Variants in DENND1A observed in about 807,000 individuals in gnomAD.
DENND1A encodes the protein DENN domain-containing protein 1A.
In DENND1A, 51 loss-of-function variants were observed where a neutral mutation model predicts 113.7. The observed-to-expected ratio is 0.45, with a 90% CI of 0.36 to 0.57. DENND1A has a LOEUF of 0.57. Ranked by LOEUF, DENND1A falls within the 20% of genes least tolerant of loss-of-function variation. The pLI is 0.00. For missense variants in DENND1A, 1,258 were observed against 1,395.9 expected, an observed-to-expected ratio of 0.90 and a Z score of 1.57; for synonymous variants, 565 against 570.8, an observed-to-expected ratio of 0.99 and a Z score of 0.14.
At chr9:123,787,316 A>G (rs1456859776) in intron 3 of DENND1A, among the ~76,000 whole-genome samples, 1 of 152,190 alleles carries the variant, frequency 6.6e-6, no homozygotes, top group Non-Finnish European at 1.5e-5. Context: ...ATGAAATAGT[A>G]TTCTTTCAAT....
chr9:123,772,023 G>A (rs565343479), intron 3 of DENND1A, among the ~76,000 whole-genome samples: 1 of 152,112 alleles, frequency 6.6e-6, no homozygotes, highest in Non-Finnish European at 1.5e-5. Context: ...ACAAAAATGA[G>A]CATCTACTCT....
intron 2 of DENND1A, among the ~76,000 whole-genome samples, chr9:123,866,733 C>T (rs1296782274): frequency 1.3e-5 from 2 of 152,148 alleles, no homozygotes; most frequent in African/African-American, 4.8e-5. Flanking sequence ...TACATATTAT[C>T]TCTAATTTAC....
In DENND1A at chr9:123,863,143, T is replaced by C. The variant is rs573009507; in HGVS notation, c.88+15808A>G. Among the ~76,000 whole-genome samples the C allele has an allele frequency of 3.3e-5, 5 of 152,348 alleles. No homozygotes were observed. In the South Asian group the frequency reaches 1.0e-3, roughly 32 times the overall value. On this transcript the variant is annotated intron_variant, in intron 2 of 23. Transcript: ENST00000394215. ...AGAACTTTGACAACTACAGAAAATA[T>C]TTCCATGCATAACCAAGGCACCGTG... is the stretch of plus-strand genomic sequence containing the variant.
intron 1 of DENND1A, among the ~76,000 whole-genome samples, chr9:123,918,521 G>T (rs1208913172): frequency 6.6e-6 from 1 of 151,186 alleles, no homozygotes; most frequent in Non-Finnish European, 1.5e-5. Flanking sequence ...ATTCCCACTG[G>T]ACAAAGATAG....
intron 3 of DENND1A, 88 bp from the exon 4 acceptor site, chr9:123,769,651 C>A: frequency 8.7e-7 from 1 of 1,150,296 alleles, no homozygotes; most frequent in South Asian, 1.7e-5. Context: ...CAACTTTACC[C>A]TAAAGAAAGA....
intron 4 of DENND1A, among the ~76,000 whole-genome samples, chr9:123,758,879 C>T (rs1030243919): frequency 1.8e-4 from 27 of 152,176 alleles, no homozygotes; most frequent in Non-Finnish European, 1.5e-5. Flanking sequence ...CAGCTCACTG[C>T]AACCTCCACC....
chr9:123,690,106 G>A lies in DENND1A; in HGVS notation c.303-13317C>T, dbSNP rs1434613557. ...GAAAGGAGGGAGGGAGGGAGGGAGG[G>A]AGGAAGAAAAAGGAGGGAGGGGGGA... On this transcript the variant is annotated intron_variant, in intron 5 of 23. Coordinates refer to ENST00000394215, the MANE Select transcript of DENND1A (RefSeq NM_001352964.2). 2.9e-3 allele frequency among the ~76,000 whole-genome samples: 223 copies of A among 75,862 alleles called. 1 individual carries two copies. Among genetic ancestry groups the A allele is most frequent in the Non-Finnish European group, 3.8e-3 (152 of 40,232 alleles). 49.8% of individuals were successfully genotyped at this position (75,862 alleles called of 152,430 possible).
At chr9:123,711,513 G>GTGTATATATATACATATATA (rs1369120234) in intron 5 of DENND1A, among the ~76,000 whole-genome samples, 2 of 121,008 alleles carry the variant, frequency 1.7e-5, no homozygotes, top group African/African-American at 6.5e-5. Context: ...ATGTATATAT[G>GTGTATATATATACATATATA]TATATATATA....
chr9:123,924,410 T>C (rs1856750091), intron 1 of DENND1A, among the ~76,000 whole-genome samples: 2 of 152,300 alleles, frequency 1.3e-5, no homozygotes, highest in South Asian at 2.1e-4. Context: ...GGCTCATGCC[T>C]GTAATCCCAG....
chr9:123,714,341 C>T (rs1179002433), intron 5 of DENND1A, among the ~76,000 whole-genome samples: 1 of 152,192 alleles, frequency 6.6e-6, no homozygotes, highest in Non-Finnish European at 1.5e-5. Context: ...ATGGCTCACA[C>T]CTGTAATCCC....
intron 5 of DENND1A, among the ~76,000 whole-genome samples, chr9:123,750,595 C>A (rs1472709960): frequency 1.3e-5 from 2 of 152,164 alleles, no homozygotes; most frequent in Non-Finnish European, 2.9e-5. Flanking sequence ...TGCCAACTGA[C>A]CATCCAGAGA....
intron 2 of DENND1A, among the ~76,000 whole-genome samples, chr9:123,805,152 G>A (rs1424087564): frequency 6.6e-6 from 1 of 152,000 alleles, no homozygotes; most frequent in Non-Finnish European, 1.5e-5. Context: ...TCCCAATGTG[G>A]CCTTCCCTAA....
At chr9:123,482,309 G>A (rs752558588) in intron 13 of DENND1A, among the ~76,000 whole-genome samples, 1 of 152,212 alleles carries the variant, frequency 6.6e-6, no homozygotes, top group East Asian at 1.9e-4. Context: ...TGTTGGCCAG[G>A]CTGGTCTTGA....
At chr9:123,517,959 T>C (rs1349039147) in intron 13 of DENND1A, among the ~76,000 whole-genome samples, 1 of 152,218 alleles carries the variant, frequency 6.6e-6, no homozygotes, top group Non-Finnish European at 1.5e-5. Context: ...ATTTTCTGCA[T>C]TAAAAATGTT....
At chr9:123,837,829 T>C (rs1841264280) in intron 2 of DENND1A, among the ~76,000 whole-genome samples, 1 of 152,010 alleles carries the variant, frequency 6.6e-6, no homozygotes, top group African/African-American at 2.4e-5. Context: ...GCATAAAACA[T>C]ATAAACCAAT....
chr9:123,698,474 G>A (rs1208765465), intron 5 of DENND1A, among the ~76,000 whole-genome samples: 1 of 152,186 alleles, frequency 6.6e-6, no homozygotes, highest in Non-Finnish European at 1.5e-5. Flanking sequence ...CCTCTTTAGG[G>A]CATCTTACTT....
intron 8 of DENND1A, among the ~76,000 whole-genome samples, chr9:123,658,113 G>C (rs898927045): frequency 3.9e-5 from 6 of 151,906 alleles, no homozygotes; most frequent in Admixed American, 1.3e-4. Context: ...ATATCATGGC[G>C]CATCTTTTGA....
intron 5 of DENND1A, among the ~76,000 whole-genome samples, chr9:123,742,094 G>T (rs567344996): frequency 6.6e-6 from 1 of 152,298 alleles, no homozygotes; most frequent in South Asian, 2.1e-4. Flanking sequence ...GCGCCCCAAC[G>T]CTGTTTGTCC....
chr9:123,837,903 C>A (rs945698459), intron 2 of DENND1A, among the ~76,000 whole-genome samples: 15 of 152,224 alleles, frequency 9.9e-5, no homozygotes, highest in Non-Finnish European at 2.9e-5. Context: ...TGTACTATTT[C>A]TTTCATTCCT....
Sources: allele counts gnomAD v4.1 joint callset (sites outside exome capture counted in the v4.1 genomes callset), GRCh38; gene constraint gnomAD v4.1.1; transcripts MANE v1.5; gene names NCBI Gene and HGNC (gene_info 2026-07-23, HGNC 2026-07-21).